The following CPSF4 variants were observed in gnomAD, a reference collection of about 807,000 sequenced individuals.
CPSF4 encodes cleavage and polyadenylation specificity factor subunit 4.
A neutral mutation model predicts 37.7 loss-of-function variants in CPSF4; 11 were observed. The observed-to-expected ratio is 0.29, with a 90% CI of 0.18 to 0.48. The LOEUF (loss-of-function observed/expected upper bound fraction) is 0.48, where lower values mean the gene tolerates loss of function less well. CPSF4 is among the 20% of genes least tolerant of loss of function. The pLI, the probability that CPSF4 is intolerant of heterozygous loss-of-function variation, is 0.99. For missense variants in CPSF4, 144 were observed against 359.5 expected, an observed-to-expected ratio of 0.40 and a Z score of 4.85; for synonymous variants, 132 against 135.9, an observed-to-expected ratio of 0.97 and a Z score of 0.20.
intron 1 of CPSF4, among the ~76,000 whole-genome samples, chr7:99,444,409 A>G (rs1290380776): frequency 2.6e-5 from 4 of 152,008 alleles, no homozygotes; most frequent in African/African-American, 9.7e-5. Context: ...GTGAGCCAAG[A>G]TCGCGTCATT....
In CPSF4 at chr7:99,453,857, G is replaced by A; in HGVS notation, c.571-109G>A. On this transcript the variant is annotated intron_variant, in intron 6 of 7. Transcript: ENST00000292476. The surrounding 1 kb of genome is among the most constrained non-coding windows in gnomAD (Gnocchi z 4.7). ...TGAGGTGGGCCGTCGTGGAAGCCCT[G>A]CTTCCTGCCGTTTGCGGGACGAGTC... 1 of 1,055,912 alleles carries A rather than the reference G, an allele frequency of 9.5e-7. No individual in the cohort carries two copies. Among genetic ancestry groups the A allele is most frequent in the Non-Finnish European group, 1.4e-6 (1 of 711,384 alleles). The allele number at this position is 1,055,912 out of a possible 1,614,324, so 65.4% of individuals were successfully genotyped here.
chr7:99,455,219 G>C (rs943568090), intron 7 of CPSF4, among the ~76,000 whole-genome samples: 15 of 152,202 alleles, frequency 9.9e-5, no homozygotes, highest in African/African-American at 3.6e-4. Flanking sequence ...TCCACAGCCT[G>C]TCACCCCATT....
Position 99,440,655 on chromosome 7 carries a change from C to CGCATATATATATATATATATAT in CPSF4, c.103+1470_103+1471insGCATATATATATATATATATAT, listed in dbSNP as rs1363427698. Among the ~76,000 whole-genome samples the CGCATATATATATATATATATAT allele has an allele frequency of 4.2e-4, 38 of 90,532 alleles. 1 individual carries two copies. Among genetic ancestry groups the CGCATATATATATATATATATAT allele is most frequent in the South Asian group, 1.2e-3 (3 of 2,576 alleles). 59.4% of individuals were successfully genotyped at this position (90,532 alleles called of 152,430 possible). The stretch of plus-strand genomic sequence containing the variant: ...TATAGGCATGAGCCACTGCACCTGG[C>CGCATATATATATATATATATAT]ATATATATATATATATATATTTTTT... On this transcript the variant is annotated intron_variant, in intron 1 of 7. Transcript: ENST00000292476.
chr7:99,453,913 G>C lies in CPSF4; in HGVS notation c.571-53G>C. ...CTCTTTTTTCCTGTCCCCATCGGTA[G>C]TCTGCGTGCACGTGTTTTCCACAGT... is the stretch of plus-strand genomic sequence containing the variant. On this transcript the variant is annotated intron_variant, in intron 6 of 7. Coordinates refer to ENST00000292476, the MANE Select transcript of CPSF4 (RefSeq NM_006693.4). This position sits in a 1 kb window ranked among gnomAD's most constrained non-coding sequence, Gnocchi z 4.7. 6.4e-7 allele frequency: 1 copy of C among 1,561,428 alleles called. No homozygotes were observed. The highest frequency in any genetic ancestry group is 8.8e-7 in the Non-Finnish European group (1 of 1,138,132).
In CPSF4 at chr7:99,453,961, T is replaced by C; in HGVS notation, c.571-5T>C. 6.2e-7 allele frequency: 1 copy of C among 1,613,862 alleles called. No homozygotes were observed. Among genetic ancestry groups the C allele is most frequent in the Non-Finnish European group, 8.5e-7 (1 of 1,179,826 alleles). On this transcript the variant is annotated splice_region_variant and splice_polypyrimidine_tract_variant and intron_variant, in intron 6 of 7. Transcript: ENST00000292476. The surrounding 1 kb of genome is among the most constrained non-coding windows in gnomAD (Gnocchi z 4.7). ...AGTAAAACCGTGTTGTGTAACTCTT[T>C]CCAGCAAAGTAACAATCCGCCATTA...
At chr7:99,441,260 C>T in intron 1 of CPSF4, 1 of 370,794 alleles carries the variant, frequency 2.7e-6, no homozygotes, top group Admixed American at 3.2e-5. Context: ...CGGCCTTTTC[C>T]TGTCTTGATG....
chr7:99,442,909 T>TTTTC, intron 1 of CPSF4: 6 of 1,423,408 alleles, frequency 4.2e-6, no homozygotes, highest in Non-Finnish European at 6.0e-6. Flanking sequence ...CGCTCTGCTC[T>TTTTC]TTTCCTCTTC....
At chr7:99,443,898 G>A (rs1797249931) in intron 1 of CPSF4, among the ~76,000 whole-genome samples, 1 of 151,926 alleles carries the variant, frequency 6.6e-6, no homozygotes, top group African/African-American at 2.4e-5. Context: ...TAGCCTGGGC[G>A]ACAGAGCGAG....
At chr7:99,439,955 C>T (rs1796740769) in intron 1 of CPSF4, among the ~76,000 whole-genome samples, 1 of 152,158 alleles carries the variant, frequency 6.6e-6, no homozygotes, top group Non-Finnish European at 1.5e-5. Flanking sequence ...CCTGAACTCC[C>T]TTCACTGCTC....
At chr7:99,456,024 G>A (rs1240054632) in intron 7 of CPSF4, among the ~76,000 whole-genome samples, 3 of 152,382 alleles carry the variant, frequency 2.0e-5, no homozygotes, top group Non-Finnish European at 2.9e-5. Context: ...CTGGCCTGTG[G>A]TGCAGAAGGG....
rs143903645 is a variant in CPSF4, at chr7:99,453,877, C to T, written c.571-89C>T. On this transcript the variant is annotated intron_variant, in intron 6 of 7. Coordinates refer to ENST00000292476, the MANE Select transcript of CPSF4 (RefSeq NM_006693.4). This position sits in a 1 kb window ranked among gnomAD's most constrained non-coding sequence, Gnocchi z 4.7. ...GCCCTGCTTCCTGCCGTTTGCGGGA[C>T]GAGTCCCGCCCTCTTTTTTCCTGTC... is the stretch of plus-strand genomic sequence containing the variant. 2.1e-5 allele frequency: 27 copies of T among 1,291,946 alleles called. No homozygotes were observed. The highest frequency in any genetic ancestry group is 1.9e-4 in the Middle Eastern group (1 of 5,192). The allele number at this position is 1,291,946 out of a possible 1,614,324, so 80.0% of individuals were successfully genotyped here. A position where few individuals can be genotyped will look rare whatever the true frequency, so the allele number is the denominator to read the frequency against.
Position 99,439,137 on chromosome 7 carries a change from G to A in CPSF4, c.55G>A (p.Val19Met), listed in dbSNP as rs1796635978. The A allele has an allele frequency of 1.2e-6, 2 of 1,611,214 alleles. No homozygotes were observed. Among genetic ancestry groups the A allele is most frequent in the Non-Finnish European group, 8.5e-7 (1 of 1,179,546 alleles). ...DHIKFDLEIA[V>M]EQQLGAQPLP... ...CATCAAGTTTGACTTGGAGATCGCG[G>A]TGGAGCAGCAGCTGGGGGCGCAGCC... Residue 19 changes from valine (V) to methionine (M), a missense_variant, in exon 1 of 8, where the codon GTG becomes ATG. By Grantham distance (21) the Val-to-Met change is conservative. This residue lies in a region of CPSF4 where 42 missense variants were observed against 86.4 expected (regional missense o/e 0.49). Coordinates refer to ENST00000292476, the MANE Select transcript of CPSF4 (RefSeq NM_006693.4).
chr7:99,441,079 T>G (rs1213794140), intron 1 of CPSF4, among the ~76,000 whole-genome samples: 1 of 151,058 alleles, frequency 6.6e-6, no homozygotes, highest in African/African-American at 2.4e-5. Flanking sequence ...GCCTCCTGAG[T>G]AGCTGGGATT....
At chr7:99,454,861 A>G (rs1452020422) in intron 7 of CPSF4, among the ~76,000 whole-genome samples, 1 of 152,176 alleles carries the variant, frequency 6.6e-6, no homozygotes, top group Non-Finnish European at 1.5e-5. Context: ...CACAATTCCT[A>G]CAGCTGGAGT....
rs1797843614 is a variant in CPSF4 at position 99,450,310 on chromosome 7, C to T, written c.342C>T (p.His114=). 1.2e-6 allele frequency: 2 copies of T among 1,614,044 alleles called. No individual in the cohort carries two copies. The highest frequency in any genetic ancestry group is 1.7e-6 in the Non-Finnish European group (2 of 1,179,950). Residue 114 remains histidine (H), a synonymous_variant, in exon 4 of 8, where the codon CAC becomes CAT. Coordinates refer to ENST00000292476, the MANE Select transcript of CPSF4 (RefSeq NM_006693.4). ...GCAACAAGGAATGTCCCTTCCTGCA[C>T]ATCGACCCCGAGTCCAAGATCAAGG... ...ECSNKECPFL[H]IDPESKIKDC...
intron 1 of CPSF4, chr7:99,441,326 C>G: frequency 6.7e-6 from 3 of 445,220 alleles, no homozygotes; most frequent in South Asian, 1.6e-5. Flanking sequence ...TCCTCCCACC[C>G]TTCTGCCATC....
chr7:99,440,817 G>C (rs1216161304), intron 1 of CPSF4, among the ~76,000 whole-genome samples: 1 of 150,062 alleles, frequency 6.7e-6, no homozygotes, highest in African/African-American at 2.5e-5. Flanking sequence ...CACCCTATTT[G>C]ACACAGGCAC....
At chr7:99,454,908 G>A (rs978753432) in intron 7 of CPSF4, among the ~76,000 whole-genome samples, 1 of 152,098 alleles carries the variant, frequency 6.6e-6, no homozygotes, top group South Asian at 2.1e-4. Flanking sequence ...TCACAAAACA[G>A]GCTGGGTGTG....
At chr7:99,443,854 G>A (rs551023322) in intron 1 of CPSF4, among the ~76,000 whole-genome samples, 1 of 152,260 alleles carries the variant, frequency 6.6e-6, no homozygotes, top group East Asian at 1.9e-4. Context: ...AGGAGGCAGA[G>A]GTTACGGTGA....
Sources: gnomAD v4.1 joint callset for allele counts (sites outside exome capture counted in the v4.1 genomes callset) on GRCh38, gnomAD v4.1.1 for gene constraint, gnomAD v4.1.1 regional missense constraint, Gnocchi (gnomAD v3.1) non-coding constraint, MANE v1.5 for transcripts, NCBI Gene and HGNC (gene_info 2026-07-23, HGNC 2026-07-21) for gene names.